The following DLG1 variants were observed in gnomAD, a reference collection of about 807,000 sequenced individuals.
The protein encoded by DLG1 is discs large MAGUK scaffold protein 1.
In DLG1, 42 loss-of-function variants were observed where a neutral mutation model predicts 123.4. The ratio of observed to expected loss-of-function variants is 0.34; its 90% CI spans 0.27 to 0.44. The LOEUF (loss-of-function observed/expected upper bound fraction) is 0.44, where lower values mean the gene tolerates loss of function less well. Among genes scored for constraint, DLG1 ranks in the 20% least tolerant of loss-of-function variants. The pLI is 1.00. For missense variants in DLG1, 942 were observed against 1,082.6 expected, an observed-to-expected ratio of 0.87 and a Z score of 1.82; for synonymous variants, 317 against 356.2, an observed-to-expected ratio of 0.89 and a Z score of 1.24.
intron 14 of DLG1, among the ~76,000 whole-genome samples, chr3:197,096,302 A>G (rs764990830): frequency 6.6e-6 from 1 of 152,224 alleles, no homozygotes; most frequent in Non-Finnish European, 1.5e-5. Flanking sequence ...AAAATTATGA[A>G]TAACAATAAC....
intron 11 of DLG1, among the ~76,000 whole-genome samples, chr3:197,122,363 G>C (rs1168821799): frequency 6.6e-6 from 1 of 151,992 alleles, no homozygotes; most frequent in Non-Finnish European, 1.5e-5. Context: ...CATATACAAT[G>C]GTGAAATACT....
intron 7 of DLG1, 70 bp from the exon 8 acceptor site, chr3:197,140,334 G>T: frequency 6.6e-7 from 1 of 1,508,920 alleles, no homozygotes; most frequent in Non-Finnish European, 9.1e-7. Flanking sequence ...TGTCATTAAA[G>T]GACGCAGAAA....
chr3:197,113,481 T>C (rs1215538492), intron 13 of DLG1, among the ~76,000 whole-genome samples: 2 of 152,208 alleles, frequency 1.3e-5, no homozygotes, highest in African/African-American at 4.8e-5. Flanking sequence ...CACTTTTATC[T>C]TTCTCGCTGC....
At chr3:197,169,404 A>G (rs1335861849) in intron 5 of DLG1, among the ~76,000 whole-genome samples, 1 of 152,152 alleles carries the variant, frequency 6.6e-6, no homozygotes, top group African/African-American at 2.4e-5. Flanking sequence ...GGTAATGGAC[A>G]TATGAGCAGT....
chr3:197,098,202 C>T (rs913217304), intron 14 of DLG1, among the ~76,000 whole-genome samples: 2 of 152,116 alleles, frequency 1.3e-5, no homozygotes, highest in Admixed American at 1.3e-4. Flanking sequence ...CTTAAAAGTT[C>T]TGCAATGCTT....
In DLG1 at chr3:197,043,072, G is replaced by C. The variant is rs770325491; in HGVS notation, c.*1551C>G. The C allele has an allele frequency of 2.0e-5, 3 of 152,156 alleles. No individual in the cohort carries two copies. The highest frequency in any genetic ancestry group is 4.4e-5 in the Non-Finnish European group (3 of 68,028). The allele number at this position is 152,156 out of a possible 1,614,324, so 9.4% of individuals were successfully genotyped here. ...CACATATTTAATAAACAACTCCAAA[G>C]AGCAATGGGAAGCCAAATATTATTA... On this transcript the variant is annotated 3_prime_UTR_variant, in exon 25 of 25. Transcript: ENST00000667157.
intron 4 of DLG1, among the ~76,000 whole-genome samples, chr3:197,230,337 A>G (rs572737010): frequency 1.1e-4 from 16 of 152,320 alleles, no homozygotes; most frequent in African/African-American, 3.6e-4. Context: ...TTCCATGTTT[A>G]AAATTTCACT....
chr3:197,250,564 G>A lies in DLG1; in HGVS notation c.318+32115C>T, dbSNP rs1406959433. ...AGCCCTGGCGACAGAGTGAGACTCC[G>A]TCTCAAAAAAAAAAAAAGAAAAAGA... is the stretch of plus-strand genomic sequence containing the variant. On this transcript the variant is annotated intron_variant, in intron 4 of 24. Coordinates refer to ENST00000667157, the MANE Select transcript of DLG1 (RefSeq NM_001366207.1). Among the ~76,000 whole-genome samples, 3 of 136,224 alleles carry A rather than the reference G, an allele frequency of 2.2e-5. No individual in the cohort carries two copies. In the Admixed American group the frequency reaches 2.2e-4, roughly 10 times the overall value. The allele number at this position is 136,224 out of a possible 152,430, so 89.4% of individuals were successfully genotyped here.
chr3:197,207,558 G>C (rs969033860), intron 4 of DLG1, among the ~76,000 whole-genome samples: 1 of 151,914 alleles, frequency 6.6e-6, no homozygotes, highest in African/African-American at 2.4e-5. Context: ...TAAAAAACCA[G>C]CAAGAAAAAA....
At chr3:197,174,848 GAAC>G (rs1318407135) in intron 5 of DLG1, among the ~76,000 whole-genome samples, 5 of 152,178 alleles carry the variant, frequency 3.3e-5, no homozygotes, top group African/African-American at 9.6e-5. Flanking sequence ...CTTTTTCTCA[GAAC>G]AACAAAACAA....
chr3:197,131,794 C>T (rs1782735378), intron 10 of DLG1, among the ~76,000 whole-genome samples: 3 of 151,162 alleles, frequency 2.0e-5, no homozygotes, highest in South Asian at 4.2e-4. Context: ...GGGGTTTCAC[C>T]GTTTTAGCCG....
At chr3:197,296,842 A>G in intron 2 of DLG1, 1 of 308,810 alleles carries the variant, frequency 3.2e-6, no homozygotes, top group Non-Finnish European at 5.6e-6. Flanking sequence ...AATTTTTAAC[A>G]TTTCAAAATA....
At chr3:197,090,885 G>T in intron 15 of DLG1, 27 bp downstream of exon 15, 1 of 1,324,196 alleles carries the variant, frequency 7.6e-7, no homozygotes. Context: ...ATTAAGATTT[G>T]CCATAATTAG....
intron 14 of DLG1, among the ~76,000 whole-genome samples, chr3:197,099,626 AT>A (rs1762402382): frequency 6.6e-6 from 1 of 152,194 alleles, no homozygotes; most frequent in Non-Finnish European, 1.5e-5. Context: ...CCCCTTTCAA[AT>A]TTTAACCTTT....
At chr3:197,122,057 G>A (rs532192959) in intron 11 of DLG1, among the ~76,000 whole-genome samples, 4 of 151,880 alleles carry the variant, frequency 2.6e-5, no homozygotes, top group South Asian at 2.1e-4. Context: ...GGACACTATC[G>A]TTAAGTTCAT....
intron 14 of DLG1, among the ~76,000 whole-genome samples, chr3:197,102,598 G>C (rs1438708326): frequency 6.6e-6 from 1 of 152,076 alleles, no homozygotes. Context: ...CTTATTACTG[G>C]GGCTGGGGGC....
intron 5 of DLG1, among the ~76,000 whole-genome samples, chr3:197,176,536 G>A (rs1285131205): frequency 3.9e-5 from 6 of 151,998 alleles, no homozygotes; most frequent in Non-Finnish European, 5.9e-5. Flanking sequence ...TTTCCAGAAC[G>A]TCATCTAGTT....
chr3:197,073,575 A>G (rs1745394186), intron 18 of DLG1, among the ~76,000 whole-genome samples: 1 of 152,154 alleles, frequency 6.6e-6, no homozygotes, highest in African/African-American at 2.4e-5. Context: ...TTGTACTCTC[A>G]TTAGTTCTGT....
chr3:197,202,803 G>C (rs1726495814), intron 4 of DLG1, among the ~76,000 whole-genome samples: 1 of 152,208 alleles, frequency 6.6e-6, no homozygotes, highest in Admixed American at 6.5e-5. Flanking sequence ...TTCTGAAGAA[G>C]TGTTCACAAC....
Sources: gnomAD v4.1 joint callset for allele counts (sites outside exome capture counted in the v4.1 genomes callset) on GRCh38, gnomAD v4.1.1 for gene constraint, MANE v1.5 for transcripts, NCBI Gene and HGNC (gene_info 2026-07-23, HGNC 2026-07-21) for gene names.